The following LRMDA variants were observed in gnomAD, a reference collection of about 807,000 sequenced individuals.
LRMDA encodes leucine rich melanocyte differentiation associated.
In LRMDA, 18 loss-of-function variants were observed where a neutral mutation model predicts 29.8. The observed-to-expected ratio is 0.60, with a 90% confidence interval of 0.42 to 0.90. LRMDA has a LOEUF of 0.90. Ranked by LOEUF, LRMDA falls within the 40% of genes least tolerant of loss-of-function variation. LRMDA has a pLI of 0.00. For missense variants in LRMDA, 273 were observed against 273.9 expected (o/e 1.00, Z 0.02); for synonymous variants, 125 against 109.4 (o/e 1.14, Z -0.89).
At chr10:76,206,039 C>T (rs533827148) in intron 5 of LRMDA, among the ~76,000 whole-genome samples, 2 of 152,270 alleles carry the variant, frequency 1.3e-5, no homozygotes, top group South Asian at 2.1e-4. Context: ...TCCACTGGGA[C>T]GATGAAAGGC....
chr10:75,911,352 G>T (rs1845839988), intron 2 of LRMDA, among the ~76,000 whole-genome samples: 2 of 152,160 alleles, frequency 1.3e-5, no homozygotes, highest in African/African-American at 4.8e-5. Context: ...GAGCACAGAA[G>T]ATCCCCTAAT....
chr10:75,836,810 C>T (rs1472910017), intron 2 of LRMDA, among the ~76,000 whole-genome samples: 1 of 152,058 alleles, frequency 6.6e-6, no homozygotes, highest in African/African-American at 2.4e-5. Context: ...TCTTAAACTC[C>T]TGTTGAATTT....
intron 2 of LRMDA, among the ~76,000 whole-genome samples, chr10:75,806,827 A>G (rs1487689222): frequency 2.0e-5 from 3 of 150,444 alleles, no homozygotes; most frequent in Admixed American, 6.6e-5. Flanking sequence ...AAAAAAAAAA[A>G]CCACACACAA....
chr10:75,831,156 C>T (rs2132291293), intron 2 of LRMDA, among the ~76,000 whole-genome samples: 1 of 152,126 alleles, frequency 6.6e-6, no homozygotes, highest in East Asian at 1.9e-4. Flanking sequence ...CGCCATTCTT[C>T]TGCCTCAGCC....
intron 2 of LRMDA, among the ~76,000 whole-genome samples, chr10:75,620,516 T>C (rs2132106025): frequency 6.6e-6 from 1 of 152,246 alleles, no homozygotes; most frequent in South Asian, 2.1e-4. Flanking sequence ...ATGATCCTGG[T>C]TGTGCAGAAG....
chr10:75,673,020 AT>A (rs1189380291), intron 2 of LRMDA, among the ~76,000 whole-genome samples: 1 of 151,066 alleles, frequency 6.6e-6, no homozygotes, highest in Non-Finnish European at 1.5e-5. Flanking sequence ...GAATGATGTC[AT>A]CATAGGAATG....
intron 6 of LRMDA, among the ~76,000 whole-genome samples, chr10:76,361,459 T>C (rs1474717348): frequency 2.6e-5 from 4 of 152,044 alleles, no homozygotes; most frequent in Non-Finnish European, 5.9e-5. Flanking sequence ...ACAGAGCAAC[T>C]CTTTATATTT....
intron 6 of LRMDA, among the ~76,000 whole-genome samples, chr10:76,442,746 TA>T (rs1335069455): frequency 6.6e-6 from 1 of 152,214 alleles, no homozygotes; most frequent in East Asian, 1.9e-4. Flanking sequence ...TATTTTATCT[TA>T]AAAATCAGTT....
At position 75,672,138 on chromosome 10, in the gene LRMDA, A is replaced by G. The variant is rs560077148; in HGVS notation, c.131+233644A>G. Among the ~76,000 whole-genome samples, 24 of 152,298 alleles carry G rather than the reference A, an allele frequency of 1.6e-4. No individual in the cohort carries two copies. The South Asian group carries it at 4.6e-3, about 29-fold the overall frequency. ...CTTGAAAGTTATCACATGTCTAAGAAATAAATTCCAAATGAGTGGGTTCTA... is the reference window on the plus strand; with the variant it reads ...CTTGAAAGTTATCACATGTCTAAGAGATAAATTCCAAATGAGTGGGTTCTA... On this transcript the variant is annotated intron_variant, in intron 2 of 6. Transcript: ENST00000611255.
At chr10:75,871,423 G>C (rs1845108781) in intron 2 of LRMDA, among the ~76,000 whole-genome samples, 1 of 152,216 alleles carries the variant, frequency 6.6e-6, no homozygotes, top group African/African-American at 2.4e-5. Context: ...GGGGACTAAA[G>C]CTGATGGATT....
intron 2 of LRMDA, among the ~76,000 whole-genome samples, chr10:75,519,033 T>G (rs774046158): frequency 2.0e-5 from 3 of 152,252 alleles, no homozygotes; most frequent in Non-Finnish European, 4.4e-5. Context: ...TTCTTAATTC[T>G]GAGTTCTAAT....
chr10:75,645,406 T>G (rs997747345), intron 2 of LRMDA, among the ~76,000 whole-genome samples: 1 of 151,954 alleles, frequency 6.6e-6, no homozygotes, highest in African/African-American at 2.4e-5. Context: ...CTAGTAAATG[T>G]CAGGACAGAG....
chr10:75,787,805 G>A (rs543974083), intron 2 of LRMDA, among the ~76,000 whole-genome samples: 97 of 152,298 alleles, frequency 6.4e-4, no homozygotes, highest in Non-Finnish European at 8.8e-4. Flanking sequence ...TGAAGAGGGC[G>A]GATCATGAGG....
chr10:75,745,911 G>T (rs1842884757), intron 2 of LRMDA, among the ~76,000 whole-genome samples: 1 of 152,168 alleles, frequency 6.6e-6, no homozygotes, highest in Non-Finnish European at 1.5e-5. Flanking sequence ...GTTATTTCAT[G>T]ATTTGTTTGA....
intron 5 of LRMDA, among the ~76,000 whole-genome samples, chr10:76,282,960 C>T (rs957814089): frequency 1.3e-5 from 2 of 152,112 alleles, no homozygotes; most frequent in African/African-American, 4.8e-5. Flanking sequence ...GTTGCTGATA[C>T]TTAAACTTCT....
intron 2 of LRMDA, among the ~76,000 whole-genome samples, chr10:75,923,536 G>A (rs1293726458): frequency 1.3e-5 from 2 of 152,114 alleles, no homozygotes; most frequent in African/African-American, 2.4e-5. Context: ...CTCAGTCTCC[G>A]ATCCTTCCCG....
At chr10:75,672,760 C>T (rs1389166036) in intron 2 of LRMDA, among the ~76,000 whole-genome samples, 5 of 150,110 alleles carry the variant, frequency 3.3e-5, no homozygotes, top group East Asian at 2.0e-4. Context: ...TCAGTAGAGA[C>T]GGGGTTTCAT....
chr10:75,456,895 C>G (rs1589149473), intron 2 of LRMDA, among the ~76,000 whole-genome samples: 1 of 152,154 alleles, frequency 6.6e-6, no homozygotes, highest in Non-Finnish European at 1.5e-5. Context: ...AGGCCGGTCT[C>G]GAATTCCTGA....
intron 2 of LRMDA, among the ~76,000 whole-genome samples, chr10:75,570,375 C>G (rs1482831808): frequency 6.6e-6 from 1 of 152,172 alleles, no homozygotes; most frequent in Non-Finnish European, 1.5e-5. Context: ...CAGTGGTGGA[C>G]AGGAGAGAAA....
Sources: allele counts gnomAD v4.1 joint callset (sites outside exome capture counted in the v4.1 genomes callset), GRCh38; gene constraint gnomAD v4.1.1; transcripts MANE v1.5; gene names NCBI Gene and HGNC (gene_info 2026-07-23, HGNC 2026-07-21).